Variants in PURA observed in about 807,000 individuals in gnomAD.
The protein encoded by PURA is transcriptional activator protein Pur-alpha.
A neutral mutation model predicts 23.1 loss-of-function variants in PURA; 2 were observed. The ratio of observed to expected loss-of-function variants is 0.09; its 90% confidence interval spans 0.04 to 0.27. PURA has a LOEUF of 0.27. Among genes scored for constraint, PURA ranks in the 10% least tolerant of loss-of-function variants. The pLI, the probability that PURA is intolerant of heterozygous loss-of-function variation, is 1.00. For synonymous variants in PURA, 254 were observed against 205.9 expected (o/e 1.23, Z -2.00); for missense variants, 187 against 449.7 (o/e 0.42, Z 5.28).
Position 140,115,754 on chromosome 5 carries a change from G to GTA in PURA, c.*612_*613dup, listed in dbSNP as rs1411514779. 1 of 167,022 alleles carries GTA rather than the reference G, an allele frequency of 6.0e-6. No individual in the cohort carries two copies. The highest frequency in any genetic ancestry group is 1.9e-4 in the East Asian group (1 of 5,198). 10.3% of individuals were successfully genotyped at this position (167,022 alleles called of 1,614,324 possible). ...CCTATATACCTGTGATTAGAGATGT[G>GTA]TATATATATGAGGGCTAGGCATGCT... On this transcript the variant is annotated 3_prime_UTR_variant, in exon 1 of 1. Coordinates refer to ENST00000331327, the MANE Select transcript of PURA (RefSeq NM_005859.5). This position sits in a 1 kb window ranked among gnomAD's most constrained non-coding sequence, Gnocchi z 4.1.
At position 140,114,643 on chromosome 5, in the gene PURA, G is replaced by A. The variant is rs762590553; in HGVS notation, c.462G>A (p.Lys154=). Residue 154 remains lysine (K), a synonymous_variant, in exon 1 of 1, where the codon AAG becomes AAA. Coordinates refer to ENST00000331327, the MANE Select transcript of PURA (RefSeq NM_005859.5). The stretch of plus-strand genomic sequence containing the variant: ...AGTTCCTGGTGCGCGAGAACCGCAA[G>A]TACTACATGGATCTCAAGGAGAACC... ...KSEFLVRENR[K]YYMDLKENQR... 10 of 1,610,812 alleles carry A rather than the reference G, an allele frequency of 6.2e-6. No individual in the cohort carries two copies. Among genetic ancestry groups the A allele is most frequent in the Non-Finnish European group, 8.5e-6 (10 of 1,179,694 alleles).
In PURA at chr5:140,115,875, T is replaced by A. The variant is rs1763072254; in HGVS notation, c.*725T>A. 6.0e-6 allele frequency: 1 copy of A among 166,996 alleles called. No individual in the cohort carries two copies. Among genetic ancestry groups the A allele is most frequent in the African/African-American group, 2.4e-5 (1 of 41,448 alleles). 10.3% of individuals were successfully genotyped at this position (166,996 alleles called of 1,614,324 possible). On this transcript the variant is annotated 3_prime_UTR_variant, in exon 1 of 1. Transcript: ENST00000331327. The surrounding 1 kb of genome is among the most constrained non-coding windows in gnomAD (Gnocchi z 4.1). ...CAAGGTAAACAATAAGTGCTCTCTT[T>A]TATACAATATGCATTGCATCTGGAC...
In PURA at chr5:140,114,829, C is replaced by T. The variant is rs764016282; in HGVS notation, c.648C>T (p.Ala216=). ...ACTACGGAGTGGAGGAGGAGCCGGC[C>T]GAGCTGCCCGAGGGCACCTCCTTGA... is the stretch of plus-strand genomic sequence containing the variant. ...IDDYGVEEEP[A]ELPEGTSLTV... Residue 216 remains alanine, a synonymous_variant, in exon 1 of 1, where the codon GCC becomes GCT. Transcript: ENST00000331327. 6 of 1,614,182 alleles carry T rather than the reference C, an allele frequency of 3.7e-6. No homozygotes were observed. The highest frequency in any genetic ancestry group is 2.2e-5 in the East Asian group (1 of 44,878).
At position 140,114,699 on chromosome 5, in the gene PURA, C is replaced by T. The variant is rs745982412; in HGVS notation, c.518C>T (p.Thr173Met). The change falls in exon 1 of 1, where the codon ACG becomes ATG. Residue 173 changes from threonine (T) to methionine (M), a missense_variant. This residue lies in a region of PURA where 11 missense variants were observed against 26.4 expected (regional missense o/e 0.42). Transcript: ENST00000331327. Reference protein sequence around the residue: ...QRGRFLRIRQTVNRGPGLGST... With the variant: ...QRGRFLRIRQMVNRGPGLGST... Reference sequence around the variant, plus strand: ...GGCCGCTTCCTGCGCATCCGCCAGACGGTCAACCGGGGGCCTGGCCTGGGC... The same window carrying T: ...GGCCGCTTCCTGCGCATCCGCCAGATGGTCAACCGGGGGCCTGGCCTGGGC... The T allele has an allele frequency of 6.2e-7, 1 of 1,612,730 alleles. No homozygotes were observed. The highest frequency in any genetic ancestry group is 8.5e-7 in the Non-Finnish European group (1 of 1,179,812).
rs1763151032 is a variant in PURA, at chr5:140,121,318, G to A, written c.*6168G>A. ...TAAGAAAATATGTCCTTATCGTGAA[G>A]TGGCAGTTAAAGTTATGGGACAGGT... On this transcript the variant is annotated 3_prime_UTR_variant, in exon 1 of 1. Transcript: ENST00000331327. 1.2e-5 allele frequency: 2 copies of A among 166,934 alleles called. No homozygotes were observed. Among genetic ancestry groups the A allele is most frequent in the South Asian group, 4.1e-4 (2 of 4,832 alleles). 10.3% of individuals were successfully genotyped at this position (166,934 alleles called of 1,614,324 possible). A position where few individuals can be genotyped will look rare whatever the true frequency, so the allele number is the denominator to read the frequency against.
In PURA at chr5:140,115,240, G is replaced by C; in HGVS notation, c.*90G>C. 54 of 683,518 alleles carry C rather than the reference G, an allele frequency of 7.9e-5. No homozygotes were observed. The highest frequency in any genetic ancestry group is 1.0e-4 in the Non-Finnish European group (49 of 475,898). The allele number at this position is 683,518 out of a possible 1,614,324, so 42.3% of individuals were successfully genotyped here. A position where few individuals can be genotyped will look rare whatever the true frequency, so the allele number is the denominator to read the frequency against. On this transcript the variant is annotated 3_prime_UTR_variant, in exon 1 of 1. Coordinates refer to ENST00000331327, the MANE Select transcript of PURA (RefSeq NM_005859.5). This position sits in a 1 kb window ranked among gnomAD's most constrained non-coding sequence, Gnocchi z 4.1. ...AGAAAATATACTGTAAAGAAAGAGA[G>C]AAAATAAAAAGTTAAAAAGTTAAAA...
chr5:140,115,087 G>A lies in PURA; in HGVS notation c.906G>A (p.Gln302=). The part of the protein sequence containing the change: ...CEQLHQQQQQ[Q]QEETAAATLL... ...AGCTTCACCAGCAGCAACAGCAGCA[G>A]CAGGAGGAGACCGCCGCTGCCACCC... Residue 302 remains glutamine (Q), a synonymous_variant, in exon 1 of 1, where the codon CAG becomes CAA. Coordinates refer to ENST00000331327, the MANE Select transcript of PURA (RefSeq NM_005859.5). This position sits in a 1 kb window ranked among gnomAD's most constrained non-coding sequence, Gnocchi z 4.1. 6.2e-7 allele frequency: 1 copy of A among 1,612,008 alleles called. No individual in the cohort carries two copies.
At position 140,122,331 on chromosome 5, in the gene PURA, GTTTACC is replaced by G. The variant is rs572259674; in HGVS notation, c.*7187_*7192del. 1 of 166,680 alleles carries G rather than the reference GTTTACC, an allele frequency of 6.0e-6. No homozygotes were observed. The highest frequency in any genetic ancestry group is 1.5e-5 in the Non-Finnish European group (1 of 67,970). The allele number at this position is 166,680 out of a possible 1,614,324, so 10.3% of individuals were successfully genotyped here. A position where few individuals can be genotyped will look rare whatever the true frequency, so the allele number is the denominator to read the frequency against. The stretch of plus-strand genomic sequence containing the variant: ...TTTCTTGGGCTCTTGTTACAATGTA[GTTTACC>G]TTTACTTTTCAAATGGTCCTTAGAT... On this transcript the variant is annotated 3_prime_UTR_variant, in exon 1 of 1. Transcript: ENST00000331327.
Position 140,123,417 on chromosome 5 carries a change from A to T in PURA, c.*8267A>T, listed in dbSNP as rs887427240. The stretch of plus-strand genomic sequence containing the variant: ...AAAATTTCTAGTTTTCATTATTTGC[A>T]CTATTTATCTTTGCACTTGATTTTT... On this transcript the variant is annotated 3_prime_UTR_variant, in exon 1 of 1. Transcript: ENST00000331327. 6.0e-6 allele frequency: 1 copy of T among 166,984 alleles called. No homozygotes were observed. Among genetic ancestry groups the T allele is most frequent in the Non-Finnish European group, 1.5e-5 (1 of 68,076 alleles). 10.3% of individuals were successfully genotyped at this position (166,984 alleles called of 1,614,324 possible).
At position 140,120,709 on chromosome 5, in the gene PURA, A is replaced by G. The variant is rs901618625; in HGVS notation, c.*5559A>G. 7.2e-5 allele frequency: 12 copies of G among 166,660 alleles called. No individual in the cohort carries two copies. The highest frequency in any genetic ancestry group is 6.6e-4 in the Admixed American group (10 of 15,248). 10.3% of individuals were successfully genotyped at this position (166,660 alleles called of 1,614,324 possible). On this transcript the variant is annotated 3_prime_UTR_variant, in exon 1 of 1. Transcript: ENST00000331327. ...CAACCAGATGAAATAAGAAATAATGATTGGTTTCAAGCCAATGAATCTGCT... is the reference window on the plus strand; with the variant it reads ...CAACCAGATGAAATAAGAAATAATGGTTGGTTTCAAGCCAATGAATCTGCT...
chr5:140,115,199 A>C lies in PURA; in HGVS notation c.*49A>C. 1 of 1,011,658 alleles carries C rather than the reference A, an allele frequency of 9.9e-7. No individual in the cohort carries two copies. The highest frequency in any genetic ancestry group is 1.4e-6 in the Non-Finnish European group (1 of 706,896). The allele number at this position is 1,011,658 out of a possible 1,614,324, so 62.7% of individuals were successfully genotyped here. A position where few individuals can be genotyped will look rare whatever the true frequency, so the allele number is the denominator to read the frequency against. ...CACACACACATGCATACACACACAC[A>C]CACAGCCACACACACAGAAAATATA... On this transcript the variant is annotated 3_prime_UTR_variant, in exon 1 of 1. Transcript: ENST00000331327. The surrounding 1 kb of genome is among the most constrained non-coding windows in gnomAD (Gnocchi z 4.1).
chr5:140,122,772 A>G lies in PURA; in HGVS notation c.*7622A>G, dbSNP rs947598206. On this transcript the variant is annotated 3_prime_UTR_variant, in exon 1 of 1. Transcript: ENST00000331327. Reference sequence around the variant, plus strand: ...AGATTTCTGTTCCCATTATTCCAGTAGTGTTTTAAATTATTTAAGATAAAT... The same window carrying G: ...AGATTTCTGTTCCCATTATTCCAGTGGTGTTTTAAATTATTTAAGATAAAT... 4.2e-5 allele frequency: 7 copies of G among 166,718 alleles called. No individual in the cohort carries two copies. Among genetic ancestry groups the G allele is most frequent in the African/African-American group, 1.7e-4 (7 of 41,408 alleles). The allele number at this position is 166,718 out of a possible 1,614,324, so 10.3% of individuals were successfully genotyped here.
rs1034154219 is a variant in PURA at position 140,118,748 on chromosome 5, A to C, written c.*3598A>C. 5 of 167,004 alleles carry C rather than the reference A, an allele frequency of 3.0e-5. No homozygotes were observed. Among genetic ancestry groups the C allele is most frequent in the African/African-American group, 1.2e-4 (5 of 41,454 alleles). The allele number at this position is 167,004 out of a possible 1,614,324, so 10.3% of individuals were successfully genotyped here. On this transcript the variant is annotated 3_prime_UTR_variant, in exon 1 of 1. Transcript: ENST00000331327. ...ACCAACAGGGAAATAAAAAACCTTG[A>C]AAGTCTCACTTTCTAGTTGTCCCAT... is the stretch of plus-strand genomic sequence containing the variant.
At position 140,118,042 on chromosome 5, in the gene PURA, T is replaced by C. The variant is rs1705769753; in HGVS notation, c.*2892T>C. 6.0e-6 allele frequency: 1 copy of C among 167,018 alleles called. No individual in the cohort carries two copies. The highest frequency in any genetic ancestry group is 2.4e-5 in the African/African-American group (1 of 41,452). The allele number at this position is 167,018 out of a possible 1,614,324, so 10.3% of individuals were successfully genotyped here. A position where few individuals can be genotyped will look rare whatever the true frequency, so the allele number is the denominator to read the frequency against. On this transcript the variant is annotated 3_prime_UTR_variant, in exon 1 of 1. Coordinates refer to ENST00000331327, the MANE Select transcript of PURA (RefSeq NM_005859.5). ...ACCTAGTTTCTATATATCAGTGTTT[T>C]ATGTTGGAATTTTTCCTTGTTTTTA... is the stretch of plus-strand genomic sequence containing the variant.
chr5:140,116,884 G>A lies in PURA; in HGVS notation c.*1734G>A, dbSNP rs1330781483. On this transcript the variant is annotated 3_prime_UTR_variant, in exon 1 of 1. Transcript: ENST00000331327. ...AGTTCTGGGGATGGAATTGTTTCTT[G>A]GCAAATCCAGCCATATAGATCTAAC... The A allele has an allele frequency of 6.0e-6, 1 of 165,608 alleles. No homozygotes were observed. The highest frequency in any genetic ancestry group is 1.5e-5 in the Non-Finnish European group (1 of 67,974). The allele number at this position is 165,608 out of a possible 1,614,324, so 10.3% of individuals were successfully genotyped here.
At position 140,117,332 on chromosome 5, in the gene PURA, T is replaced by C. The variant is rs1253858614; in HGVS notation, c.*2182T>C. On this transcript the variant is annotated 3_prime_UTR_variant, in exon 1 of 1. Transcript: ENST00000331327. ...GTGCATAATGTGACATTTGGAATGC[T>C]TATCAACTGCATGTAAACATTAATA... 1.2e-5 allele frequency: 2 copies of C among 166,970 alleles called. No homozygotes were observed. The highest frequency in any genetic ancestry group is 4.8e-5 in the African/African-American group (2 of 41,452). 10.3% of individuals were successfully genotyped at this position (166,970 alleles called of 1,614,324 possible). A position where few individuals can be genotyped will look rare whatever the true frequency, so the allele number is the denominator to read the frequency against.
chr5:140,121,215 A>C lies in PURA; in HGVS notation c.*6065A>C, dbSNP rs576697126. ...CAAGTCCTTCTATTTTAGAATTGTG[A>C]AAAACATGGAAATACTCTTGTTAGT... On this transcript the variant is annotated 3_prime_UTR_variant, in exon 1 of 1. Transcript: ENST00000331327. 8.4e-5 allele frequency: 14 copies of C among 166,982 alleles called. No homozygotes were observed. Among genetic ancestry groups the C allele is most frequent in the Non-Finnish European group, 1.8e-4 (12 of 68,014 alleles). 10.3% of individuals were successfully genotyped at this position (166,982 alleles called of 1,614,324 possible).
In PURA at chr5:140,115,276, A is replaced by C. The variant is rs1277818682; in HGVS notation, c.*126A>C. Reference sequence around the variant, plus strand: ...GTTAAAAAGTTAAAAAAAAAAAAAAACCTGTTAACTCCAAGGGAGCACCAC... The same window carrying C: ...GTTAAAAAGTTAAAAAAAAAAAAAACCCTGTTAACTCCAAGGGAGCACCAC... On this transcript the variant is annotated 3_prime_UTR_variant, in exon 1 of 1. Coordinates refer to ENST00000331327, the MANE Select transcript of PURA (RefSeq NM_005859.5). This position sits in a 1 kb window ranked among gnomAD's most constrained non-coding sequence, Gnocchi z 4.1. The C allele has an allele frequency of 3.0e-6, 2 of 656,838 alleles. No homozygotes were observed. Among genetic ancestry groups the C allele is most frequent in the East Asian group, 3.4e-5 (1 of 29,806 alleles). 40.7% of individuals were successfully genotyped at this position (656,838 alleles called of 1,614,324 possible).
chr5:140,120,250 T>C lies in PURA; in HGVS notation c.*5100T>C, dbSNP rs951707122. ...TATATGTATATATACATTGTGTGTG[T>C]GTATATGTATATAGATACACACATC... On this transcript the variant is annotated 3_prime_UTR_variant, in exon 1 of 1. Coordinates refer to ENST00000331327, the MANE Select transcript of PURA (RefSeq NM_005859.5). The C allele has an allele frequency of 9.6e-5, 16 of 166,796 alleles. No homozygotes were observed. Among genetic ancestry groups the C allele is most frequent in the African/African-American group, 3.6e-4 (15 of 41,428 alleles). 10.3% of individuals were successfully genotyped at this position (166,796 alleles called of 1,614,324 possible).
Sources: gnomAD v4.1 joint callset for allele counts on GRCh38, gnomAD v4.1.1 for gene constraint, gnomAD v4.1.1 regional missense constraint, Gnocchi (gnomAD v3.1) non-coding constraint, MANE v1.5 for transcripts, NCBI Gene and HGNC (gene_info 2026-07-23, HGNC 2026-07-21) for gene names.